The following FAM168A variants were observed in gnomAD, a reference collection of about 807,000 sequenced individuals.
FAM168A encodes the protein family with sequence similarity 168 member A, also known as protein FAM168A.
Under a neutral mutation model 28.5 loss-of-function variants are expected in FAM168A, and 3 were observed. The ratio of observed to expected loss-of-function variants is 0.11; its 90% confidence interval spans 0.05 to 0.27. The LOEUF (loss-of-function observed/expected upper bound fraction) is 0.27. FAM168A is among the 10% of genes least tolerant of loss of function. FAM168A has a pLI of 1.00. For missense variants in FAM168A, 222 were observed against 311.5 expected (o/e 0.71, Z 2.16); for synonymous variants, 122 against 124.2 (o/e 0.98, Z 0.12).
intron 2 of FAM168A, among the ~76,000 whole-genome samples, chr11:73,444,138 T>C (rs1373192838): frequency 1.3e-5 from 2 of 152,188 alleles, no homozygotes; most frequent in South Asian, 2.1e-4. Context: ...CTAATCCTCA[T>C]GAACACAAGG....
intron 1 of FAM168A, among the ~76,000 whole-genome samples, chr11:73,471,752 A>T (rs1867816878): frequency 6.6e-6 from 1 of 152,238 alleles, no homozygotes; most frequent in South Asian, 2.1e-4. Context: ...GAATTGAGAT[A>T]CAGCAGAGAA....
chr11:73,408,797 A>C (rs1866554879), intron 6 of FAM168A, among the ~76,000 whole-genome samples: 1 of 151,844 alleles, frequency 6.6e-6, no homozygotes. Flanking sequence ...AAAAAAAAAA[A>C]ACCTAACAGT....
At chr11:73,567,577 A>G (rs574019138) in intron 1 of FAM168A, among the ~76,000 whole-genome samples, 11 of 151,994 alleles carry the variant, frequency 7.2e-5, no homozygotes, top group Admixed American at 7.2e-4. Context: ...TAATACAGAC[A>G]CTCCCCTACC....
chr11:73,496,093 CACACAA>C, intron 1 of FAM168A, among the ~76,000 whole-genome samples: 1 of 152,260 alleles, frequency 6.6e-6, no homozygotes, highest in Admixed American at 6.5e-5. Context: ...AACCCGCATA[CACACAA>C]CCTGCACCCA....
intron 2 of FAM168A, among the ~76,000 whole-genome samples, chr11:73,439,933 T>C (rs1483226023): frequency 1.4e-5 from 2 of 143,882 alleles, no homozygotes; most frequent in African/African-American, 5.3e-5. Context: ...TCGCCCAAGC[T>C]GGAGTGCAAT....
chr11:73,571,243 C>CCCT (rs1410610985), intron 1 of FAM168A, among the ~76,000 whole-genome samples: 60 of 112,718 alleles, frequency 5.3e-4, no homozygotes, highest in African/African-American at 2.2e-3. Flanking sequence ...CTCCCCCCCC[C>CCCT]CTCCCCACAG....
chr11:73,517,511 T>A (rs112645576), intron 1 of FAM168A, among the ~76,000 whole-genome samples: 7 of 152,312 alleles, frequency 4.6e-5, no homozygotes, highest in Admixed American at 2.6e-4. Context: ...TTCTATATTA[T>A]TAACAGTGAA....
At chr11:73,592,739 G>A (rs1049795030) in intron 1 of FAM168A, among the ~76,000 whole-genome samples, 20 of 152,044 alleles carry the variant, frequency 1.3e-4, no homozygotes, top group African/African-American at 4.3e-4. Flanking sequence ...GGCCATATGT[G>A]GCACAAAATA....
chr11:73,561,151 G>T (rs1943954369), intron 1 of FAM168A, among the ~76,000 whole-genome samples: 2 of 151,802 alleles, frequency 1.3e-5, no homozygotes, highest in Admixed American at 1.3e-4. Flanking sequence ...GAGGCAGGCG[G>T]ATCACCTGAG....
intron 1 of FAM168A, among the ~76,000 whole-genome samples, chr11:73,544,888 A>T (rs1199011721): frequency 2.2e-5 from 2 of 92,990 alleles, no homozygotes; most frequent in African/African-American, 4.8e-5. Context: ...TTATATATAA[A>T]ATATAAAATA....
chr11:73,425,145 G>GT, intron 3 of FAM168A: 1 of 791,048 alleles, frequency 1.3e-6, no homozygotes, highest in South Asian at 1.9e-5. Flanking sequence ...TGCAATAGCA[G>GT]TTTCCCCCCA....
intron 1 of FAM168A, among the ~76,000 whole-genome samples, chr11:73,563,693 C>A (rs566451771): frequency 6.6e-6 from 1 of 152,240 alleles, no homozygotes; most frequent in Admixed American, 6.5e-5. Context: ...ACCCTTTGAG[C>A]CAGGCAGGCA....
intron 1 of FAM168A, among the ~76,000 whole-genome samples, chr11:73,567,604 ATAAC>A (rs1944035603): frequency 6.6e-6 from 1 of 152,224 alleles, no homozygotes; most frequent in South Asian, 2.1e-4. Flanking sequence ...CTCTGCCAAA[ATAAC>A]TGAGCACATG....
At chr11:73,410,145 G>A (rs568126763) in intron 5 of FAM168A, among the ~76,000 whole-genome samples, 4 of 151,960 alleles carry the variant, frequency 2.6e-5, no homozygotes, top group African/African-American at 4.8e-5. Context: ...AGTGGCTCAC[G>A]TCTGTAGTTC....
intron 1 of FAM168A, among the ~76,000 whole-genome samples, chr11:73,493,847 A>T (rs890819326): frequency 6.6e-6 from 1 of 152,266 alleles, no homozygotes; most frequent in Admixed American, 6.5e-5. Flanking sequence ...GGTGAAGACA[A>T]GACCAAAGAC....
chr11:73,536,343 G>A (rs753061140), intron 1 of FAM168A, among the ~76,000 whole-genome samples: 4 of 152,172 alleles, frequency 2.6e-5, no homozygotes, highest in African/African-American at 7.2e-5. Context: ...ATCAAAGTTT[G>A]TCAATGGTGA....
intron 1 of FAM168A, among the ~76,000 whole-genome samples, chr11:73,497,515 T>C (rs577171019): frequency 2.2e-4 from 34 of 152,140 alleles, no homozygotes; most frequent in Middle Eastern, 3.4e-3. Context: ...TATTCTAGTA[T>C]ATCTGTGCTG....
At chr11:73,547,672 T>C (rs940248471) in intron 1 of FAM168A, among the ~76,000 whole-genome samples, 1 of 152,100 alleles carries the variant, frequency 6.6e-6, no homozygotes, top group African/African-American at 2.4e-5. Context: ...AGACTCCATC[T>C]CTTAGAAAAT....
intron 2 of FAM168A, among the ~76,000 whole-genome samples, chr11:73,440,493 G>A (rs1304110853): frequency 1.3e-5 from 2 of 152,162 alleles, no homozygotes; most frequent in Non-Finnish European, 1.5e-5. Context: ...TACAAAAAGC[G>A]GTGGTGTGTG....
Sources: gnomAD v4.1 joint callset for allele counts (sites outside exome capture counted in the v4.1 genomes callset) on GRCh38, gnomAD v4.1.1 for gene constraint, MANE v1.5 for transcripts, NCBI Gene and HGNC (gene_info 2026-07-23, HGNC 2026-07-21) for gene names.